ATG10: variants seen among roughly 807,000 people sequenced by gnomAD.
The protein encoded by ATG10 is ubiquitin-like-conjugating enzyme ATG10.
In ATG10, 30 loss-of-function variants were observed where a neutral mutation model predicts 32.1. That is an observed-to-expected ratio of 0.94 (90% CI 0.70 to 1.27). The LOEUF (loss-of-function observed/expected upper bound fraction) is 1.27. Ranked by LOEUF, ATG10 falls within the 50% of genes most tolerant of loss-of-function variation. The pLI, the probability that ATG10 is intolerant of heterozygous loss-of-function variation, is 0.00. For missense variants in ATG10, 233 were observed against 262.3 expected (o/e 0.89, Z 0.77); for synonymous variants, 87 against 91.5 (o/e 0.95, Z 0.28).
intron 3 of ATG10, among the ~76,000 whole-genome samples, chr5:82,155,039 A>G (rs1199959245): frequency 6.6e-6 from 1 of 152,102 alleles, no homozygotes; most frequent in Non-Finnish European, 1.5e-5. Context: ...AGGCTTTATC[A>G]TTTTCACTCT....
At chr5:82,098,052 G>C (rs905672624) in intron 3 of ATG10, among the ~76,000 whole-genome samples, 5 of 152,088 alleles carry the variant, frequency 3.3e-5, no homozygotes, top group African/African-American at 1.2e-4. Context: ...AACAGTGGCC[G>C]CTTGACCATC....
intron 3 of ATG10, among the ~76,000 whole-genome samples, chr5:82,118,970 G>A (rs1765934567): frequency 1.3e-5 from 2 of 152,122 alleles, no homozygotes; most frequent in South Asian, 4.1e-4. Flanking sequence ...TTGGAAATTT[G>A]AATTCCTGAA....
At chr5:82,131,181 A>G (rs1303966208) in intron 3 of ATG10, among the ~76,000 whole-genome samples, 1 of 152,212 alleles carries the variant, frequency 6.6e-6, no homozygotes, top group African/African-American at 2.4e-5. Flanking sequence ...CCATGTAACA[A>G]ATCTGCACCT....
At chr5:82,071,634 C>T (rs921169394) in intron 3 of ATG10, among the ~76,000 whole-genome samples, 2 of 152,066 alleles carry the variant, frequency 1.3e-5, no homozygotes, top group African/African-American at 4.8e-5. Flanking sequence ...GAGAGGTGCA[C>T]ATGGTGATAC....
intron 2 of ATG10, among the ~76,000 whole-genome samples, chr5:82,052,195 A>G (rs2149741745): frequency 6.6e-6 from 1 of 152,280 alleles, no homozygotes; most frequent in African/African-American, 2.4e-5. Flanking sequence ...AGACCCTTAG[A>G]TAACCACCCA....
At chr5:82,088,815 AG>A (rs1049164489) in intron 3 of ATG10, among the ~76,000 whole-genome samples, 4 of 152,192 alleles carry the variant, frequency 2.6e-5, no homozygotes, top group Non-Finnish European at 5.9e-5. Flanking sequence ...GCACAGTTAG[AG>A]GGCTAGGTCA....
intron 4 of ATG10, among the ~76,000 whole-genome samples, chr5:82,170,666 C>T (rs954461927): frequency 1.3e-5 from 2 of 152,056 alleles, no homozygotes; most frequent in South Asian, 2.1e-4. Flanking sequence ...AGAGTGTTGG[C>T]AGGGCGCGGT....
rs143946049 is a variant in ATG10, at chr5:82,058,569, A to G, written c.183A>G (p.Ala61=). The change falls in exon 3 of 8, where the codon GCA becomes GCG. Residue 61 remains alanine (A), a synonymous_variant. Transcript: ENST00000282185. ...KNGSVMSHLG[A]STHGQTCLPM... is the part of the protein sequence containing the mutation. ...GGTCTGTGATGTCACATCTAGGAGCATCTACCCATGGACAGACATGTCTTC... is the reference window on the plus strand; with the variant it reads ...GGTCTGTGATGTCACATCTAGGAGCGTCTACCCATGGACAGACATGTCTTC... 46 of 1,612,924 alleles carry G rather than the reference A, an allele frequency of 2.9e-5. No homozygotes were observed. In the African/African-American group the frequency reaches 5.5e-4, roughly 19 times the overall value.
rs576534209 is a variant in ATG10, at chr5:82,079,442, A to G, written c.216+20840A>G. 5.2e-4 allele frequency among the ~76,000 whole-genome samples: 79 copies of G among 151,826 alleles called. 1 individual carries two copies. The South Asian group carries it at 0.013, about 25-fold the overall frequency. Reference sequence around the variant, plus strand: ...GCAGGTTTGTTACATATGTATACATATGCCATGTTGGTGTGCTGCACCCAT... The same window carrying G: ...GCAGGTTTGTTACATATGTATACATGTGCCATGTTGGTGTGCTGCACCCAT... On this transcript the variant is annotated intron_variant, in intron 3 of 7. Coordinates refer to ENST00000282185, the MANE Select transcript of ATG10 (RefSeq NM_031482.5).
At chr5:82,212,103 T>C (rs73768645) in intron 5 of ATG10, among the ~76,000 whole-genome samples, 23,081 of 152,166 alleles carry the variant, frequency 0.15, 2,819 homozygotes, top group African/African-American at 0.34. Flanking sequence ...CCAAAGGCAA[T>C]ATTTCACACC....
At chr5:82,062,811 C>T (rs1763825529) in intron 3 of ATG10, among the ~76,000 whole-genome samples, 1 of 152,114 alleles carries the variant, frequency 6.6e-6, no homozygotes, top group African/African-American at 2.4e-5. Flanking sequence ...GAGTGACTCT[C>T]ACTAAAAAAC....
At position 82,082,968 on chromosome 5, in the gene ATG10, G is replaced by A. The variant is rs530042323; in HGVS notation, c.216+24366G>A. On this transcript the variant is annotated intron_variant, in intron 3 of 7. Transcript: ENST00000282185. ...GGGTGATTTCTGCATTTCCAACTGA[G>A]GTACCGGGTTCATCTCACTGGGGCT... Among the ~76,000 whole-genome samples, 175 of 152,314 alleles carry A rather than the reference G, an allele frequency of 1.1e-3. 2 individuals are homozygous for A. The highest frequency in any genetic ancestry group is 2.3e-3 in the Admixed American group (35 of 15,304).
intron 5 of ATG10, among the ~76,000 whole-genome samples, chr5:82,194,834 T>C (rs988357653): frequency 2.0e-5 from 3 of 152,176 alleles, no homozygotes; most frequent in Non-Finnish European, 4.4e-5. Context: ...TGGAACTCCC[T>C]TGGAATCAGA....
Position 82,210,621 on chromosome 5 carries a change from AT to A in ATG10, c.453+32043del, listed in dbSNP as rs892956816. Reference sequence around the variant, plus strand: ...GTAACACTCTGATGCCTTCAAACAGATTTTTTTTTCCCCAGCTTTCCTAGTT... The same window carrying A: ...GTAACACTCTGATGCCTTCAAACAGATTTTTTTTCCCCAGCTTTCCTAGTT... On this transcript the variant is annotated intron_variant, in intron 5 of 7. Coordinates refer to ENST00000282185, the MANE Select transcript of ATG10 (RefSeq NM_031482.5). 9.9e-5 allele frequency among the ~76,000 whole-genome samples: 15 copies of A among 151,596 alleles called. No individual in the cohort carries two copies. In the East Asian group the frequency reaches 1.9e-3, roughly 20 times the overall value.
chr5:82,190,730 C>T (rs1016757430), intron 5 of ATG10, among the ~76,000 whole-genome samples: 15 of 121,246 alleles, frequency 1.2e-4, no homozygotes, highest in Non-Finnish European at 3.2e-5. Context: ...GCCGAGATCA[C>T]ACCACTGCAC....
chr5:82,194,441 AG>A (rs1048525919), intron 5 of ATG10, among the ~76,000 whole-genome samples: 2 of 152,200 alleles, frequency 1.3e-5, no homozygotes, highest in African/African-American at 4.8e-5. Context: ...GTTTGGACAA[AG>A]GGAATTTTAG....
At chr5:82,157,245 T>A (rs1767835787) in intron 3 of ATG10, among the ~76,000 whole-genome samples, 2 of 151,416 alleles carry the variant, frequency 1.3e-5, no homozygotes, top group Non-Finnish European at 2.9e-5. Flanking sequence ...TACCCCCTTT[T>A]AAAAAAAAAT....
intron 1 of ATG10, chr5:81,976,441 G>C (rs1210168772): frequency 6.6e-6 from 1 of 152,212 alleles, no homozygotes; most frequent in Admixed American, 6.5e-5. Flanking sequence ...GCCATTGCCT[G>C]AGGAAGCTCC....
chr5:81,976,126 G>A (rs1223655330), intron 1 of ATG10: 7 of 150,878 alleles, frequency 4.6e-5, no homozygotes, highest in Admixed American at 1.3e-4. Context: ...TCAGCCTCCC[G>A]AGTAGCTGGG....
Sources: gnomAD v4.1 joint callset for allele counts (sites outside exome capture counted in the v4.1 genomes callset) on GRCh38, gnomAD v4.1.1 for gene constraint, MANE v1.5 for transcripts, NCBI Gene and HGNC (gene_info 2026-07-23, HGNC 2026-07-21) for gene names.